Variants in SLC4A4 observed in about 807,000 individuals in gnomAD.
SLC4A4 encodes the protein solute carrier family 4 member 4.
Under a neutral mutation model 111.5 loss-of-function variants are expected in SLC4A4, and 27 were observed. That is an observed-to-expected ratio of 0.24 (90% confidence interval 0.18 to 0.33). The LOEUF is 0.33. SLC4A4 is among the 10% of genes least tolerant of loss of function. SLC4A4 has a pLI of 1.00. For missense variants in SLC4A4, 909 were observed against 1,315.5 expected (o/e 0.69, Z 4.78); for synonymous variants, 443 against 463.4 (o/e 0.96, Z 0.57).
At chr4:71,296,939 A>G (rs1253007229) in intron 3 of SLC4A4, among the ~76,000 whole-genome samples, 1 of 152,216 alleles carries the variant, frequency 6.6e-6, no homozygotes, top group Non-Finnish European at 1.5e-5. Flanking sequence ...TATTACTGGA[A>G]AAAAATCCTC....
At chr4:71,107,002 T>A (rs1742947631) in intron 2 of SLC4A4, among the ~76,000 whole-genome samples, 2 of 150,562 alleles carry the variant, frequency 1.3e-5, no homozygotes, top group African/African-American at 2.5e-5. Context: ...AAAAAAAAAA[T>A]AAAGTCTATC....
At chr4:71,184,252 C>A (rs1745385997), upstream of SLC4A4, among the ~76,000 whole-genome samples, 1 of 152,198 alleles carries the variant, frequency 6.6e-6, no homozygotes, top group African/African-American at 2.4e-5. Flanking sequence ...TTGCATTATT[C>A]TACTACATAC....
intron 3 of SLC4A4, among the ~76,000 whole-genome samples, chr4:71,289,019 T>C (rs1025163639): frequency 1.3e-5 from 2 of 152,204 alleles, no homozygotes; most frequent in African/African-American, 2.4e-5. Flanking sequence ...TTTAGGGACT[T>C]AAGCTGAGGC....
At chr4:71,078,211 GCATTCATT>G (rs562076848) in intron 1 of SLC4A4, among the ~76,000 whole-genome samples, 16 of 152,028 alleles carry the variant, frequency 1.1e-4, no homozygotes, top group South Asian at 1.0e-3. Context: ...TGTACAATTA[GCATTCATT>G]CATTCATTCA....
intron 7 of SLC4A4, among the ~76,000 whole-genome samples, chr4:71,426,537 C>T (rs1723157132): frequency 6.6e-6 from 1 of 152,120 alleles, no homozygotes; most frequent in Non-Finnish European, 1.5e-5. Flanking sequence ...TAGTCTCTAA[C>T]CATCATGCTC....
intron 7 of SLC4A4, among the ~76,000 whole-genome samples, chr4:71,424,858 G>A (rs1722960681): frequency 6.6e-6 from 1 of 151,994 alleles, no homozygotes; most frequent in Admixed American, 6.6e-5. Flanking sequence ...GCGGGGGAGG[G>A]AGGGATAGCA....
intron 1 of SLC4A4, among the ~76,000 whole-genome samples, chr4:71,081,942 G>C (rs1174631944): frequency 1.3e-5 from 2 of 151,992 alleles, no homozygotes; most frequent in East Asian, 3.9e-4. Context: ...GGAATGCCTG[G>C]GTCCCCAGTG....
intron 2 of SLC4A4, among the ~76,000 whole-genome samples, chr4:71,142,701 A>G (rs1471706952): frequency 1.3e-5 from 2 of 151,456 alleles, no homozygotes; most frequent in African/African-American, 4.9e-5. Context: ...AGCAGTTGAA[A>G]ATATAGTAGA....
At chr4:71,365,653 A>G (rs1266766354) in intron 6 of SLC4A4, among the ~76,000 whole-genome samples, 3 of 152,192 alleles carry the variant, frequency 2.0e-5, no homozygotes, top group Admixed American at 1.3e-4. Context: ...TGTGAACCCA[A>G]TTTCTTAAAA....
At chr4:71,399,440 TC>T (rs1172528460) in intron 7 of SLC4A4, among the ~76,000 whole-genome samples, 4 of 99,288 alleles carry the variant, frequency 4.0e-5, no homozygotes, top group South Asian at 7.9e-4. Flanking sequence ...TCCCTTCCCC[TC>T]CCCTTCCGTC....
chr4:71,101,991 C>G (rs1047313155), intron 2 of SLC4A4, among the ~76,000 whole-genome samples: 4 of 150,810 alleles, frequency 2.7e-5, no homozygotes, highest in Admixed American at 1.3e-4. Context: ...GGAGGACATT[C>G]AAACCAAAGG....
intron 6 of SLC4A4, among the ~76,000 whole-genome samples, chr4:71,388,129 G>A (rs1419036433): frequency 6.6e-6 from 1 of 152,220 alleles, no homozygotes; most frequent in East Asian, 1.9e-4. Flanking sequence ...GCATAGGCTT[G>A]CTGAAAGTAC....
chr4:71,540,769 A>G (rs1734971797), intron 18 of SLC4A4, among the ~76,000 whole-genome samples: 1 of 152,126 alleles, frequency 6.6e-6, no homozygotes, highest in Non-Finnish European at 1.5e-5. Context: ...AATAATCTGT[A>G]TCTGTCAATG....
At chr4:71,487,795 T>A (rs1365466072) in intron 15 of SLC4A4, among the ~76,000 whole-genome samples, 3 of 151,674 alleles carry the variant, frequency 2.0e-5, no homozygotes, top group African/African-American at 7.3e-5. Context: ...AACATCCCTT[T>A]CAAAGATGAT....
rs2198447 is a variant in SLC4A4 at position 71,532,367 on chromosome 4, G to T, written c.2280+192G>T. Among the ~76,000 whole-genome samples the T allele has an allele frequency of 0.17, 25,882 of 151,982 alleles. 2,429 individuals carry two copies. The highest frequency in any genetic ancestry group is 0.4 in the East Asian group (2,077 of 5,160). On this transcript the variant is annotated intron_variant, in intron 17 of 25. Coordinates refer to ENST00000264485, the MANE Select transcript of SLC4A4 (RefSeq NM_001098484.3). The stretch of plus-strand genomic sequence containing the variant: ...ACTACAATTAAATGTCAAGACTAGG[G>T]TTTTTATTTAAAACAACTGATAATA...
chr4:71,240,729 A>C (rs986800941), intron 2 of SLC4A4, among the ~76,000 whole-genome samples: 8 of 152,240 alleles, frequency 5.3e-5, no homozygotes, highest in African/African-American at 1.7e-4. Flanking sequence ...AAGAGAAAGA[A>C]TGAATAAATG....
At chr4:71,318,175 A>T (rs1031972598) in intron 3 of SLC4A4, among the ~76,000 whole-genome samples, 5 of 152,046 alleles carry the variant, frequency 3.3e-5, no homozygotes, top group African/African-American at 1.2e-4. Flanking sequence ...CTCAGTTTGT[A>T]CACACCCCAA....
intron 18 of SLC4A4, among the ~76,000 whole-genome samples, chr4:71,541,319 A>G (rs1735032771): frequency 6.6e-6 from 1 of 152,124 alleles, no homozygotes; most frequent in Non-Finnish European, 1.5e-5. Flanking sequence ...AGAGAAAAAC[A>G]GGGACGTTTG....
chr4:71,191,633 G>A (rs956031279), intron 1 of SLC4A4, among the ~76,000 whole-genome samples: 5 of 152,190 alleles, frequency 3.3e-5, no homozygotes, highest in Non-Finnish European at 7.3e-5. Context: ...CTCAGTAGCA[G>A]TGCCCACTTG....
Sources: allele counts gnomAD v4.1 joint callset (sites outside exome capture counted in the v4.1 genomes callset), GRCh38; gene constraint gnomAD v4.1.1; transcripts MANE v1.5; gene names NCBI Gene and HGNC (gene_info 2026-07-23, HGNC 2026-07-21).